Variants in ZCCHC2 observed in about 807,000 individuals in gnomAD.
ZCCHC2 encodes zinc finger CCHC-type containing 2.
A neutral mutation model predicts 103.6 loss-of-function variants in ZCCHC2; 39 were observed. The ratio of observed to expected loss-of-function variants is 0.38; its 90% CI spans 0.29 to 0.49. The LOEUF (loss-of-function observed/expected upper bound fraction) is 0.49. Among genes scored for constraint, ZCCHC2 ranks in the 20% least tolerant of loss-of-function variants. ZCCHC2 has a pLI of 0.96. For synonymous variants in ZCCHC2, 687 were observed against 608.9 expected (o/e 1.13, Z -1.89); for missense variants, 1,483 against 1,491.0 (o/e 0.99, Z 0.09).
In ZCCHC2 at chr18:62,577,906, A is replaced by G. The variant is rs1024414384; in HGVS notation, c.*1327A>G. 1 of 152,776 alleles carries G rather than the reference A, an allele frequency of 6.5e-6. No individual in the cohort carries two copies. The highest frequency in any genetic ancestry group is 1.5e-5 in the Non-Finnish European group (1 of 68,196). 9.5% of individuals were successfully genotyped at this position (152,776 alleles called of 1,614,324 possible). On this transcript the variant is annotated 3_prime_UTR_variant, in exon 14 of 14. Transcript: ENST00000269499. The stretch of plus-strand genomic sequence containing the variant: ...ATCAGCAATGAACAGTTTCCACTGT[A>G]TAGTCCTAGGGGTCAGGGGGTGGGG...
Position 62,523,376 on chromosome 18 carries a change from G to GGGGGCCC in ZCCHC2, c.-49_-48insGGGGCCC. ...GCCTCGGCCCGTGCTCCACCTCGCG[G>GGGGGCCC]CCCCTCCCGCCCGCCCCCGCTCGCA... On this transcript the variant is annotated 5_prime_UTR_variant, in exon 1 of 14. Transcript: ENST00000269499. The GGGGGCCC allele has an allele frequency of 2.0e-6, 2 of 1,012,348 alleles. No homozygotes were observed. Among genetic ancestry groups the GGGGGCCC allele is most frequent in the Non-Finnish European group, 1.2e-6 (1 of 848,984 alleles). The allele number at this position is 1,012,348 out of a possible 1,614,324, so 62.7% of individuals were successfully genotyped here.
At chr18:62,533,387 G>A (rs536513044) in intron 1 of ZCCHC2, among the ~76,000 whole-genome samples, 29 of 151,206 alleles carry the variant, frequency 1.9e-4, no homozygotes, top group African/African-American at 6.3e-4. Flanking sequence ...TTAGTCGGGC[G>A]TGTAGTGGGC....
chr18:62,552,911 T>C (rs532018863), intron 5 of ZCCHC2, among the ~76,000 whole-genome samples: 3 of 148,548 alleles, frequency 2.0e-5, no homozygotes, highest in Non-Finnish European at 4.5e-5. Flanking sequence ...AAAAAAAGTA[T>C]GTGGGTGACT....
intron 2 of ZCCHC2, among the ~76,000 whole-genome samples, chr18:62,540,840 T>C (rs371004796): frequency 2.0e-5 from 3 of 152,220 alleles, no homozygotes; most frequent in African/African-American, 4.8e-5. Flanking sequence ...ACTTTCACTA[T>C]GGCCATTCCT....
chr18:62,575,700 A>G, intron 13 of ZCCHC2, 150 bp downstream of exon 13: 1 of 1,010,524 alleles, frequency 9.9e-7, no homozygotes, highest in Admixed American at 2.8e-5. Flanking sequence ...ATAAAATGCA[A>G]CTGGAAAAAC....
At chr18:62,552,668 A>G (rs908871005) in intron 5 of ZCCHC2, among the ~76,000 whole-genome samples, 2 of 152,132 alleles carry the variant, frequency 1.3e-5, no homozygotes, top group African/African-American at 2.4e-5. Context: ...CGAGGCCAAG[A>G]CAGGAGGATC....
intron 5 of ZCCHC2, 105 bp downstream of exon 5, chr18:62,550,565 G>A (rs751687843): frequency 4.2e-5 from 33 of 781,276 alleles, no homozygotes; most frequent in East Asian, 1.4e-4. Flanking sequence ...TTTCTCTGGC[G>A]TACTTCTTAA....
chr18:62,574,384 C>T lies in ZCCHC2; in HGVS notation c.2303C>T (p.Thr768Ile), dbSNP rs201968749. ...ISAIRESANS[T>I]PVGILGPTAC... ...GCAATAAGGGAGTCTGCAAATTCAA[C>T]CCCTGTTGGAATACTAGGGCCAACA... is the stretch of plus-strand genomic sequence containing the variant. Residue 768 changes from threonine to isoleucine, a missense_variant, in exon 13 of 14, where the codon ACC (threonine) becomes ATC (isoleucine). Physicochemically the swap from Thr to Ile is moderately conservative, Grantham distance 89. Transcript: ENST00000269499. 2.4e-3 allele frequency: 3,929 copies of T among 1,614,004 alleles called. 12 individuals are homozygous for T. The highest frequency in any genetic ancestry group is 7.4e-3 in the Middle Eastern group (45 of 6,062).
Position 62,574,541 on chromosome 18 carries a change from A to G in ZCCHC2, c.2460A>G (p.Pro820=). ...TTCAGAGGCTAAAGTTGCCACCACC[A>G]CAGGGATCTTCTGAGAGCTGCACAG... ...LTVQRLKLPP[P]QGSSESCTVN... The change falls in exon 13 of 14, where the codon CCA becomes CCG. Residue 820 remains proline, a synonymous_variant. Transcript: ENST00000269499. The G allele has an allele frequency of 6.2e-6, 10 of 1,613,976 alleles. No homozygotes were observed. Among genetic ancestry groups the G allele is most frequent in the Non-Finnish European group, 7.6e-6 (9 of 1,179,890 alleles).
At chr18:62,558,477 C>T (rs973531869) in intron 6 of ZCCHC2, 14 of 330,598 alleles carry the variant, frequency 4.2e-5, no homozygotes, top group South Asian at 7.8e-5. Flanking sequence ...CCAGGTCAGT[C>T]GCTCTTCAGG....
intron 13 of ZCCHC2, among the ~76,000 whole-genome samples, chr18:62,576,042 G>A (rs1431707190): frequency 6.9e-6 from 1 of 144,012 alleles, no homozygotes; most frequent in Non-Finnish European, 1.5e-5. Flanking sequence ...AAAAAAAAAG[G>A]TCCAAGATTC....
At chr18:62,549,089 G>A (rs1233801583) in intron 4 of ZCCHC2, among the ~76,000 whole-genome samples, 1 of 151,678 alleles carries the variant, frequency 6.6e-6, no homozygotes, top group East Asian at 1.9e-4. Flanking sequence ...GGAGGGGGCG[G>A]GTGCGTGTAG....
chr18:62,573,387 G>A (rs1198889314), intron 12 of ZCCHC2, among the ~76,000 whole-genome samples: 4 of 152,092 alleles, frequency 2.6e-5, no homozygotes, highest in Non-Finnish European at 4.4e-5. Context: ...AGTAGTAGCC[G>A]ATGCAGTGTT....
intron 1 of ZCCHC2, among the ~76,000 whole-genome samples, chr18:62,538,260 C>A (rs1205436106): frequency 5.8e-3 from 709 of 122,466 alleles, no homozygotes; most frequent in South Asian, 8.6e-3. Context: ...GACCCTGTCT[C>A]AAAAAAAAAA....
chr18:62,561,856 T>C (rs1267778847), intron 8 of ZCCHC2, among the ~76,000 whole-genome samples: 1 of 152,268 alleles, frequency 6.6e-6, no homozygotes, highest in Non-Finnish European at 1.5e-5. Context: ...TTCTTGAATC[T>C]GTAGCTTGAT....
chr18:62,574,040 A>T lies in ZCCHC2; in HGVS notation c.1976-17A>T. On this transcript the variant is annotated splice_polypyrimidine_tract_variant and intron_variant, in intron 12 of 13. Transcript: ENST00000269499. ...GTTATGCCCGTGTTAATATCTCTTT[A>T]TGTTTGTTTTCTTTAGACACAGACA... 6.2e-7 allele frequency: 1 copy of T among 1,604,278 alleles called. No individual in the cohort carries two copies. The highest frequency in any genetic ancestry group is 8.5e-7 in the Non-Finnish European group (1 of 1,174,624).
intron 1 of ZCCHC2, among the ~76,000 whole-genome samples, chr18:62,537,479 A>G (rs116975002): frequency 0.012 from 1,763 of 152,156 alleles, 18 homozygotes; most frequent in Non-Finnish European, 0.016. Flanking sequence ...CCACTATTCT[A>G]CTTTCTTTAT....
intron 5 of ZCCHC2, chr18:62,552,028 G>A (rs1488614513): frequency 6.6e-6 from 1 of 152,170 alleles, no homozygotes; most frequent in Non-Finnish European, 1.5e-5. Context: ...AGAAGGGGAT[G>A]AGTGTTTGCT....
At chr18:62,585,581 C>T (rs1160897742) in exon 15 of ZCCHC2, 2 of 152,240 alleles carry the variant, frequency 1.3e-5, no homozygotes, top group East Asian at 3.8e-4. Flanking sequence ...TTAATTGTGC[C>T]TTCCACGCCT....
Sources: gnomAD v4.1 joint callset for allele counts (sites outside exome capture counted in the v4.1 genomes callset) on GRCh38, gnomAD v4.1.1 for gene constraint, MANE v1.5 for transcripts, NCBI Gene and HGNC (gene_info 2026-07-23, HGNC 2026-07-21) for gene names.